Variants in USH2A observed in about 807,000 individuals in gnomAD.
USH2A encodes the protein usherin.
In USH2A, 443 loss-of-function variants were observed where a neutral mutation model predicts 538.9. That is an observed-to-expected ratio of 0.82 (90% CI 0.76 to 0.89). The LOEUF (loss-of-function observed/expected upper bound fraction) is 0.89, where lower values mean the gene tolerates loss of function less well. USH2A is among the 40% of genes least tolerant of loss of function. The pLI, the probability that USH2A is intolerant of heterozygous loss-of-function variation, is 0.00. For missense variants in USH2A, 6,633 were observed against 6,324.8 expected, an observed-to-expected ratio of 1.05 and a Z score of -1.65; for synonymous variants, 2,413 against 2,273.5, an observed-to-expected ratio of 1.06 and a Z score of -1.75.
chr1:216,297,286 C>G (rs2037126565), intron 9 of USH2A, among the ~76,000 whole-genome samples: 1 of 151,980 alleles, frequency 6.6e-6, no homozygotes, highest in African/African-American at 2.4e-5. Context: ...CTACTTTGAT[C>G]GTTATTGGAT....
chr1:215,932,580 C>T (rs1354645264), intron 38 of USH2A, among the ~76,000 whole-genome samples: 1 of 151,958 alleles, frequency 6.6e-6, no homozygotes, highest in East Asian at 1.9e-4. Flanking sequence ...TAATCAACAA[C>T]AATCTAATGA....
intron 21 of USH2A, among the ~76,000 whole-genome samples, chr1:216,160,234 C>G (rs1302464921): frequency 6.6e-6 from 1 of 151,916 alleles, no homozygotes; most frequent in African/African-American, 2.4e-5. Flanking sequence ...GAGTGGGAAG[C>G]TAATTGATTG....
intron 21 of USH2A, among the ~76,000 whole-genome samples, chr1:216,171,413 A>C (rs544835011): frequency 1.1e-4 from 16 of 152,222 alleles, no homozygotes; most frequent in African/African-American, 3.8e-4. Flanking sequence ...TAGCAAAATT[A>C]AGTATCACAT....
At chr1:216,043,020 C>G (rs2030353532) in intron 32 of USH2A, among the ~76,000 whole-genome samples, 1 of 152,076 alleles carries the variant, frequency 6.6e-6, no homozygotes, top group Non-Finnish European at 1.5e-5. Context: ...GTGAGAAATA[C>G]TTTTCTATTA....
At chr1:216,138,615 T>C (rs2033535211) in intron 21 of USH2A, among the ~76,000 whole-genome samples, 1 of 152,212 alleles carries the variant, frequency 6.6e-6, no homozygotes, top group East Asian at 1.9e-4. Context: ...GACCTTTTTA[T>C]TGACTTCAAC....
intron 69 of USH2A, among the ~76,000 whole-genome samples, chr1:215,637,745 T>C (rs1656539916): frequency 6.6e-6 from 1 of 152,184 alleles, no homozygotes; most frequent in Non-Finnish European, 1.5e-5. Context: ...ACATGTTTCA[T>C]CATGTATGAG....
chr1:216,070,326 G>A, intron 29 of USH2A, 34 bp from the exon 30 acceptor site: 2 of 1,604,088 alleles, frequency 1.2e-6, no homozygotes, highest in Non-Finnish European at 1.7e-6. Context: ...TAGGGAAAAT[G>A]GCAGTTCTGA....
chr1:216,194,626 G>C (rs1200286329), intron 19 of USH2A, among the ~76,000 whole-genome samples: 1 of 152,138 alleles, frequency 6.6e-6, no homozygotes, highest in Non-Finnish European at 1.5e-5. Flanking sequence ...TACCATATCA[G>C]TGAAGTTTTT....
At chr1:216,387,823 T>G (rs1490579282) in intron 3 of USH2A, among the ~76,000 whole-genome samples, 1 of 152,152 alleles carries the variant, frequency 6.6e-6, no homozygotes, top group Non-Finnish European at 1.5e-5. Context: ...AAAGGACACC[T>G]CCATCTGCCC....
At chr1:216,285,084 A>G (rs2036855612) in intron 11 of USH2A, among the ~76,000 whole-genome samples, 1 of 152,208 alleles carries the variant, frequency 6.6e-6, no homozygotes, top group African/African-American at 2.4e-5. Context: ...CCGGAGAGAA[A>G]TTCAAGTTGG....
chr1:216,061,361 G>T (rs887215691), intron 30 of USH2A, among the ~76,000 whole-genome samples: 2 of 152,140 alleles, frequency 1.3e-5, no homozygotes, highest in Non-Finnish European at 2.9e-5. Context: ...GTCATCTTAT[G>T]ATATTCCTTT....
intron 3 of USH2A, among the ~76,000 whole-genome samples, chr1:216,408,335 A>T (rs987172363): frequency 2.6e-5 from 4 of 152,312 alleles, no homozygotes; most frequent in Non-Finnish European, 4.4e-5. Flanking sequence ...TTTTAAGCGT[A>T]TACATATATT....
chr1:216,204,658 G>A (rs2035072461), intron 16 of USH2A, among the ~76,000 whole-genome samples: 1 of 152,226 alleles, frequency 6.6e-6, no homozygotes, highest in South Asian at 2.1e-4. Flanking sequence ...AATTCCTAAT[G>A]CCTTTATTTA....
At chr1:215,809,280 C>T (rs1434036101) in intron 49 of USH2A, among the ~76,000 whole-genome samples, 1 of 152,114 alleles carries the variant, frequency 6.6e-6, no homozygotes, top group Non-Finnish European at 1.5e-5. Context: ...TTAAACACCA[C>T]TCAGGACAAT....
At chr1:216,057,036 T>A (rs2031000620) in intron 30 of USH2A, among the ~76,000 whole-genome samples, 2 of 152,174 alleles carry the variant, frequency 1.3e-5, no homozygotes, top group South Asian at 2.1e-4. Flanking sequence ...AGAACAAAAG[T>A]TATATATTTT....
At chr1:215,683,505 T>C (rs554758962) in intron 61 of USH2A, among the ~76,000 whole-genome samples, 154 of 152,318 alleles carry the variant, frequency 1.0e-3, no homozygotes, top group Non-Finnish European at 1.8e-3. Context: ...ACTCTGTGAA[T>C]TGGGTTGGCT....
At chr1:215,842,957 A>G (rs75410548) in intron 46 of USH2A, among the ~76,000 whole-genome samples, 1 of 152,150 alleles carries the variant, frequency 6.6e-6, no homozygotes, top group Non-Finnish European at 1.5e-5. Flanking sequence ...GAACACGTAT[A>G]CAGGAACTTA....
rs2102653388 is a variant in USH2A at position 216,323,681 on chromosome 1, G to A, written c.1343C>T (p.Ser448Phe). ...CLQLSNFTPY[S>F]RGNVTFSILT... is the part of the protein sequence containing the mutation. ...GATGCTAAATGTGACATTGCCACGG[G>A]AATATGGAGTAAAACTGTTAATGAA... The change falls in exon 8 of 72, where the codon TCC becomes TTC. Residue 448 changes from serine to phenylalanine, a missense_variant. Transcript: ENST00000307340. 1 of 1,613,374 alleles carries A rather than the reference G, an allele frequency of 6.2e-7. No individual in the cohort carries two copies. The highest frequency in any genetic ancestry group is 8.5e-7 in the Non-Finnish European group (1 of 1,179,602).
intron 14 of USH2A, among the ~76,000 whole-genome samples, chr1:216,219,298 C>G (rs979083810): frequency 6.6e-6 from 1 of 152,048 alleles, no homozygotes; most frequent in African/African-American, 2.4e-5. Flanking sequence ...CACTTGACTT[C>G]AGTAAGAGAG....
Sources: allele counts gnomAD v4.1 joint callset (sites outside exome capture counted in the v4.1 genomes callset), GRCh38; gene constraint gnomAD v4.1.1; transcripts MANE v1.5; gene names NCBI Gene and HGNC (gene_info 2026-07-23, HGNC 2026-07-21).